SARM1: variants seen among roughly 807,000 people sequenced by gnomAD.
The protein encoded by SARM1 is NAD(+) hydrolase SARM1.
Under a neutral mutation model 65.1 loss-of-function variants are expected in SARM1, and 60 were observed. The ratio of observed to expected loss-of-function variants is 0.92; its 90% CI spans 0.75 to 1.14. The LOEUF (loss-of-function observed/expected upper bound fraction) is 1.14. Ranked by LOEUF, SARM1 falls within the 50% of genes most tolerant of loss-of-function variation. The pLI is 0.00. For synonymous variants in SARM1, 417 were observed against 465.4 expected (o/e 0.90, Z 1.34); for missense variants, 913 against 1,015.7 (o/e 0.90, Z 1.37).
chr17:28,385,032 G>T lies in SARM1; in HGVS notation c.1395-8G>T, dbSNP rs78470405. 9.4e-4 allele frequency: 1,510 copies of T among 1,612,308 alleles called. 20 individuals are homozygous for T. In the African/African-American group the frequency reaches 0.018, roughly 19 times the overall value. ...GGACCTCAGCGTCTTCTCCTCCGTG[G>T]GGTGCAGGTTCTTTAGGGAGCTCAC... On this transcript the variant is annotated splice_polypyrimidine_tract_variant and splice_region_variant and intron_variant, in intron 4 of 8. Transcript: ENST00000585482. This position sits in a 1 kb window ranked among gnomAD's most constrained non-coding sequence, Gnocchi z 4.5.
Position 28,372,764 on chromosome 17 carries a change from G to A in SARM1, c.470+262G>A, listed in dbSNP as rs181693351. 1.7e-3 allele frequency among the ~76,000 whole-genome samples: 259 copies of A among 152,304 alleles called. 1 individual carries two copies. Among genetic ancestry groups the A allele is most frequent in the African/African-American group, 5.9e-3 (247 of 41,558 alleles). ...GGTGAGGAATGGAGTTACAGGACAGGAGTCCGTCCCTGGCTCTATGGATGG... is the reference window on the plus strand; with the variant it reads ...GGTGAGGAATGGAGTTACAGGACAGAAGTCCGTCCCTGGCTCTATGGATGG... On this transcript the variant is annotated intron_variant, in intron 1 of 8. Coordinates refer to ENST00000585482, the MANE Select transcript of SARM1 (RefSeq NM_015077.4). The surrounding 1 kb of genome is among the most constrained non-coding windows in gnomAD (Gnocchi z 5.2).
chr17:28,385,155 G>A lies in SARM1; in HGVS notation c.1510G>A (p.Gly504Ser). The part of the protein sequence containing the change: ...LDPRFRQYTY[G>S]LVSCGLDRSL... ...CCCGCGCTTCCGCCAGTACACCTAC[G>A]GCCTGGTCAGCTGCGGCCTGGACCG... Residue 504 changes from glycine to serine, a missense_variant, in exon 5 of 9, where the codon GGC becomes AGC. By Grantham distance (56) the Gly-to-Ser change is moderately conservative (BLOSUM62 0). Around this residue, in one of 3 missense-constraint regions of SARM1, gnomAD observed 862 missense variants for 952.1 expected, o/e 0.91. Transcript: ENST00000585482. The surrounding 1 kb of genome is among the most constrained non-coding windows in gnomAD (Gnocchi z 4.5). The A allele has an allele frequency of 6.2e-7, 1 of 1,612,884 alleles. No homozygotes were observed. Among genetic ancestry groups the A allele is most frequent in the Non-Finnish European group, 8.5e-7 (1 of 1,179,716 alleles).
intron 1 of SARM1, 32 bp from the exon 2 acceptor site, chr17:28,381,171 T>A: frequency 1.3e-6 from 2 of 1,551,020 alleles, no homozygotes; most frequent in Non-Finnish European, 1.7e-6. Context: ...GCTGCGGCAA[T>A]TCCACTGTCC....
Position 28,384,769 on chromosome 17 carries a change from C to T in SARM1, c.1303-70C>T. 7.0e-7 allele frequency: 1 copy of T among 1,421,486 alleles called. No homozygotes were observed. Among genetic ancestry groups the T allele is most frequent in the Non-Finnish European group, 9.7e-7 (1 of 1,028,718 alleles). The allele number at this position is 1,421,486 out of a possible 1,614,324, so 88.1% of individuals were successfully genotyped here. ...CTCCACGCCATCTCCAGTTCCTTCC[C>T]TTGCATCTTGTGCTCGAGGTCCAAG... On this transcript the variant is annotated intron_variant, in intron 3 of 8. Coordinates refer to ENST00000585482, the MANE Select transcript of SARM1 (RefSeq NM_015077.4). This position sits in a 1 kb window ranked among gnomAD's most constrained non-coding sequence, Gnocchi z 4.4.
At chr17:28,394,431 ATTGT>A (rs2068097737) in intron 7 of SARM1, among the ~76,000 whole-genome samples, 1 of 152,198 alleles carries the variant, frequency 6.6e-6, no homozygotes, top group Non-Finnish European at 1.5e-5. Flanking sequence ...CTGACACCAA[ATTGT>A]TTGGGGTTTT....
Position 28,388,217 on chromosome 17 carries a change from T to C in SARM1, c.1674T>C (p.Ser558=), listed in dbSNP as rs938798379. The C allele has an allele frequency of 5.2e-6, 8 of 1,550,480 alleles. No individual in the cohort carries two copies. The highest frequency in any genetic ancestry group is 2.4e-5 in the East Asian group (1 of 40,950). ...TGCCCTGTACTGGTGGCAAACCCAGTGGGGACACTCCAGATGTCTTCATCA... is the reference window on the plus strand; with the variant it reads ...TGCCCTGTACTGGTGGCAAACCCAGCGGGGACACTCCAGATGTCTTCATCA... ...SPLPCTGGKP[S]GDTPDVFISY... The change falls in exon 6 of 9, where the codon AGT becomes AGC. Residue 558 remains serine (S), a synonymous_variant. Transcript: ENST00000585482.
Position 28,402,314 on chromosome 17 carries a change from C to T in SARM1, c.*6028C>T. On this transcript the variant is annotated 3_prime_UTR_variant, in exon 9 of 9. Coordinates refer to ENST00000585482, the MANE Select transcript of SARM1 (RefSeq NM_015077.4). ...TGATGACTAATGACAGGAAAAGCAA[C>T]CCATATCCTGTGGAGAAACAAACAC... The T allele has an allele frequency of 6.2e-7, 1 of 1,613,088 alleles. No homozygotes were observed. Among genetic ancestry groups the T allele is most frequent in the Non-Finnish European group, 8.5e-7 (1 of 1,179,506 alleles).
Position 28,381,578 on chromosome 17 carries a change from G to C in SARM1, c.846G>C (p.Glu282Asp), listed in dbSNP as rs1555585275. Residue 282 changes from glutamate (E) to aspartate (D), a missense_variant, in exon 2 of 9, where the codon GAG becomes GAC. Transcript: ENST00000585482. ...LAVAVLATNKEVEREVERSGT... is the reference protein window; with the variant it reads ...LAVAVLATNKDVEREVERSGT... ...TAGCGGTGTTGGCGACTAACAAGGAGGTGGAGCGCGAGGTGGAGCGCTCGG... is the reference window on the plus strand; with the variant it reads ...TAGCGGTGTTGGCGACTAACAAGGACGTGGAGCGCGAGGTGGAGCGCTCGG... 1 of 1,591,952 alleles carries C rather than the reference G, an allele frequency of 6.3e-7. No homozygotes were observed. The highest frequency in any genetic ancestry group is 8.5e-7 in the Non-Finnish European group (1 of 1,170,432).
In SARM1 at chr17:28,396,647, C is replaced by T. The variant is rs2239910; in HGVS notation, c.*361C>T. The T allele has an allele frequency of 1.2e-4, 29 of 233,292 alleles. No homozygotes were observed. Among genetic ancestry groups the T allele is most frequent in the Non-Finnish European group, 1.9e-4 (22 of 118,732 alleles). 14.5% of individuals were successfully genotyped at this position (233,292 alleles called of 1,614,324 possible). A position where few individuals can be genotyped will look rare whatever the true frequency, so the allele number is the denominator to read the frequency against. On this transcript the variant is annotated 3_prime_UTR_variant, in exon 9 of 9. Transcript: ENST00000585482. ...ATAGCAGTCAGCTTGAGGAGGATGA[C>T]GGAAGGCAGCCTCAGACAGGAATTA...
chr17:28,396,393 CT>C lies in SARM1; in HGVS notation c.*109del. ...CTGGGCTGAGACAACCTGGGCTCTT[CT>C]TAGGAAATGGCTCTCCCTCCCCCTG... is the stretch of plus-strand genomic sequence containing the variant. On this transcript the variant is annotated 3_prime_UTR_variant, in exon 9 of 9. Transcript: ENST00000585482. The C allele has an allele frequency of 7.3e-7, 1 of 1,371,362 alleles. No individual in the cohort carries two copies. The highest frequency in any genetic ancestry group is 1.0e-6 in the Non-Finnish European group (1 of 987,448). The allele number at this position is 1,371,362 out of a possible 1,614,324, so 84.9% of individuals were successfully genotyped here.
At chr17:28,387,204 C>T (rs2068054897) in intron 5 of SARM1, among the ~76,000 whole-genome samples, 3 of 151,058 alleles carry the variant, frequency 2.0e-5, no homozygotes, top group African/African-American at 7.3e-5. Context: ...AAATGGACTA[C>T]ACTGGGCAAT....
Position 28,384,825 on chromosome 17 carries a change from G to T in SARM1, c.1303-14G>T, listed in dbSNP as rs1440417905. On this transcript the variant is annotated splice_polypyrimidine_tract_variant and intron_variant, in intron 3 of 8. Transcript: ENST00000585482. The surrounding 1 kb of genome is among the most constrained non-coding windows in gnomAD (Gnocchi z 4.4). Reference sequence around the variant, plus strand: ...AGTAGCGAAGCCCTTCCTGACACCCGACTCCTCCCCCAGGAGCAGCAGGTG... The same window carrying T: ...AGTAGCGAAGCCCTTCCTGACACCCTACTCCTCCCCCAGGAGCAGCAGGTG... 1 of 1,551,342 alleles carries T rather than the reference G, an allele frequency of 6.4e-7. No homozygotes were observed. The highest frequency in any genetic ancestry group is 8.7e-7 in the Non-Finnish European group (1 of 1,146,698).
intron 5 of SARM1, 138 bp from the exon 6 acceptor site, chr17:28,388,036 T>A (rs2142433963): frequency 1.5e-6 from 1 of 675,444 alleles, no homozygotes; most frequent in East Asian, 2.7e-5. Flanking sequence ...CATTTCTCCT[T>A]TTTGGGGCAG....
chr17:28,372,042 A>G lies in SARM1; in HGVS notation c.10A>G (p.Thr4Ala), dbSNP rs782586056. Reference protein sequence around the residue: MVLTLLLSAYKLCR... With the variant: MVLALLLSAYKLCR... Reference sequence around the variant, plus strand: ...CCGCGGCCCCGCGCCCATGGTCCTGACGCTGCTTCTCTCCGCCTACAAGCT... The same window carrying G: ...CCGCGGCCCCGCGCCCATGGTCCTGGCGCTGCTTCTCTCCGCCTACAAGCT... Residue 4 changes from threonine to alanine, a missense_variant, in exon 1 of 9, where the codon ACG (threonine) becomes GCG (alanine). Coordinates refer to ENST00000585482, the MANE Select transcript of SARM1 (RefSeq NM_015077.4). This position sits in a 1 kb window ranked among gnomAD's most constrained non-coding sequence, Gnocchi z 5.2. The G allele has an allele frequency of 6.6e-7, 1 of 1,505,298 alleles. No individual in the cohort carries two copies. Among genetic ancestry groups the G allele is most frequent in the South Asian group, 1.2e-5 (1 of 82,160 alleles). The allele number at this position is 1,505,298 out of a possible 1,614,324, so 93.2% of individuals were successfully genotyped here.
chr17:28,376,105 A>G (rs2067988088), intron 1 of SARM1, among the ~76,000 whole-genome samples: 1 of 152,170 alleles, frequency 6.6e-6, no homozygotes, highest in African/African-American at 2.4e-5. Context: ...TAGTTATCAC[A>G]AGAGTGCAGC....
In SARM1 at chr17:28,384,632, G is replaced by A; in HGVS notation, c.1302+63G>A. 6.9e-7 allele frequency: 1 copy of A among 1,444,176 alleles called. No individual in the cohort carries two copies. Among genetic ancestry groups the A allele is most frequent in the Non-Finnish European group, 9.3e-7 (1 of 1,070,730 alleles). 89.5% of individuals were successfully genotyped at this position (1,444,176 alleles called of 1,614,324 possible). ...CGGGCGCCCTGTGCACAGGGACTGC[G>A]TTCCCTCCCCGCCTCGCAATCCCGC... is the stretch of plus-strand genomic sequence containing the variant. On this transcript the variant is annotated intron_variant, in intron 3 of 8. Transcript: ENST00000585482. The surrounding 1 kb of genome is among the most constrained non-coding windows in gnomAD (Gnocchi z 4.4).
chr17:28,371,906 C>G lies in SARM1; in HGVS notation c.-127C>G. 1 of 645,024 alleles carries G rather than the reference C, an allele frequency of 1.6e-6. No homozygotes were observed. Among genetic ancestry groups the G allele is most frequent in the Non-Finnish European group, 2.4e-6 (1 of 417,984 alleles). 40.0% of individuals were successfully genotyped at this position (645,024 alleles called of 1,614,324 possible). Reference sequence around the variant, plus strand: ...CTGACCGGCACCCTTGCCTGGTACCCTTCTCTCCATTCCTCCCCCTCCATC... The same window carrying G: ...CTGACCGGCACCCTTGCCTGGTACCGTTCTCTCCATTCCTCCCCCTCCATC... On this transcript the variant is annotated 5_prime_UTR_variant, in exon 1 of 9. Transcript: ENST00000585482.
rs1555589790 is a variant in SARM1 at position 28,402,332 on chromosome 17, A to G, written c.*6046A>G. The G allele has an allele frequency of 6.2e-7, 1 of 1,610,984 alleles. No homozygotes were observed. On this transcript the variant is annotated 3_prime_UTR_variant, in exon 9 of 9. Transcript: ENST00000585482. ...AAAGCAACCCATATCCTGTGGAGAA[A>G]CAAACACTCATCAGGAAAATGGGGC...
intron 1 of SARM1, among the ~76,000 whole-genome samples, chr17:28,379,561 C>T (rs1555584950): frequency 6.6e-6 from 1 of 152,108 alleles, no homozygotes; most frequent in African/African-American, 2.4e-5. Flanking sequence ...CCACCCGCCT[C>T]GGCCTCCCAA....
Sources: gnomAD v4.1 joint callset for allele counts (sites outside exome capture counted in the v4.1 genomes callset) on GRCh38, gnomAD v4.1.1 for gene constraint, gnomAD v4.1.1 regional missense constraint, Gnocchi (gnomAD v3.1) non-coding constraint, MANE v1.5 for transcripts, NCBI Gene and HGNC (gene_info 2026-07-23, HGNC 2026-07-21) for gene names.